Variants in SLCO3A1 observed in about 807,000 individuals in gnomAD.
The protein encoded by SLCO3A1 is PGE1 transporter.
SLCO3A1 carries 27 observed loss-of-function variants against 63.1 expected under a neutral mutation model. The ratio of observed to expected loss-of-function variants is 0.43; its 90% confidence interval spans 0.32 to 0.59. The LOEUF is 0.59. SLCO3A1 is among the 20% of genes least tolerant of loss of function. SLCO3A1 has a pLI of 0.09. For synonymous variants in SLCO3A1, 473 were observed against 409.9 expected (o/e 1.15, Z -1.86); for missense variants, 773 against 945.8 (o/e 0.82, Z 2.40).
intron 2 of SLCO3A1, among the ~76,000 whole-genome samples, chr15:91,937,923 G>A (rs1296073469): frequency 1.3e-5 from 2 of 152,118 alleles, no homozygotes; most frequent in South Asian, 2.1e-4. Flanking sequence ...AATTTTGGAG[G>A]CGGTATCTAC....
At chr15:92,150,830 TATTAGTAATTTTC>T in intron 8 of SLCO3A1, 107 bp from the exon 9 acceptor site, 1 of 609,974 alleles carries the variant, frequency 1.6e-6, no homozygotes, top group Non-Finnish European at 2.8e-6. Flanking sequence ...AAAAAGACAC[TATTAGTAATTTTC>T]TAAAGAAGAG....
At chr15:92,060,763 G>A (rs1254680649) in intron 2 of SLCO3A1, among the ~76,000 whole-genome samples, 1 of 152,124 alleles carries the variant, frequency 6.6e-6, no homozygotes, top group Non-Finnish European at 1.5e-5. Flanking sequence ...GCCTCCCAAA[G>A]TGCTAGGATT....
chr15:92,149,583 G>A (rs1460449543), intron 8 of SLCO3A1: 1 of 152,216 alleles, frequency 6.6e-6, no homozygotes, highest in Non-Finnish European at 1.5e-5. Context: ...TGTTCTCAAG[G>A]TCACCCAGCT....
intron 7 of SLCO3A1, among the ~76,000 whole-genome samples, chr15:92,129,922 A>G (rs960746763): frequency 3.3e-5 from 5 of 152,154 alleles, no homozygotes; most frequent in East Asian, 1.9e-4. Context: ...TGATAAAGCA[A>G]TTTCTTTATG....
intron 2 of SLCO3A1, among the ~76,000 whole-genome samples, chr15:92,046,190 G>C (rs1418440144): frequency 6.6e-6 from 1 of 152,084 alleles, no homozygotes; most frequent in Non-Finnish European, 1.5e-5. Flanking sequence ...ATATTGGACA[G>C]CCTACAGTGG....
intron 7 of SLCO3A1, among the ~76,000 whole-genome samples, chr15:92,139,733 A>T (rs996261420): frequency 6.6e-6 from 1 of 152,028 alleles, no homozygotes; most frequent in African/African-American, 2.4e-5. Flanking sequence ...GAATTTATCC[A>T]TTTCTTCTAG....
chr15:92,092,521 A>G (rs1351000560), intron 2 of SLCO3A1, among the ~76,000 whole-genome samples: 3 of 151,974 alleles, frequency 2.0e-5, no homozygotes, highest in Admixed American at 1.3e-4. Context: ...CTAGAGTGCC[A>G]GTAACTCTGA....
intron 7 of SLCO3A1, among the ~76,000 whole-genome samples, chr15:92,141,336 T>C (rs200162854): frequency 6.6e-6 from 1 of 152,190 alleles, no homozygotes; most frequent in African/African-American, 2.4e-5. Context: ...TTCTTACTAG[T>C]TAATTGTCTT....
At chr15:92,041,571 C>A (rs137865785) in intron 2 of SLCO3A1, among the ~76,000 whole-genome samples, 1 of 152,138 alleles carries the variant, frequency 6.6e-6, no homozygotes, top group Non-Finnish European at 1.5e-5. Context: ...TCTCTTCAAC[C>A]CGTACATTTT....
At chr15:92,077,578 G>A (rs1003435490) in intron 2 of SLCO3A1, among the ~76,000 whole-genome samples, 14 of 152,144 alleles carry the variant, frequency 9.2e-5, no homozygotes, top group African/African-American at 2.7e-4. Flanking sequence ...AGCCTTTGCC[G>A]CCATTTCCAC....
chr15:92,162,375 C>T (rs752438175), intron 9 of SLCO3A1: 11 of 179,890 alleles, frequency 6.1e-5, no homozygotes, highest in Admixed American at 1.2e-4. Flanking sequence ...GTCTCAAACT[C>T]CTGATCTCAG....
chr15:92,100,599 A>C (rs984689719), intron 3 of SLCO3A1, among the ~76,000 whole-genome samples: 11 of 152,184 alleles, frequency 7.2e-5, no homozygotes, highest in South Asian at 4.1e-4. Context: ...ACTAGAACCA[A>C]ATAGAGAAGT....
chr15:92,117,278 C>T (rs2047806364), intron 4 of SLCO3A1, among the ~76,000 whole-genome samples: 1 of 152,162 alleles, frequency 6.6e-6, no homozygotes, highest in Non-Finnish European at 1.5e-5. Flanking sequence ...AGCCAAAGAG[C>T]AAAGTTGCTA....
chr15:91,872,524 A>T lies in SLCO3A1; in HGVS notation c.180+18436A>T, dbSNP rs1284060645. Among the ~76,000 whole-genome samples the T allele has an allele frequency of 6.7e-6, 1 of 150,184 alleles. No individual in the cohort carries two copies. Among genetic ancestry groups the T allele is most frequent in the Non-Finnish European group, 1.5e-5 (1 of 67,684 alleles). On this transcript the variant is annotated intron_variant, in intron 1 of 9. Coordinates refer to ENST00000318445, the MANE Select transcript of SLCO3A1 (RefSeq NM_013272.4). The surrounding 1 kb of genome is among the most constrained non-coding windows in gnomAD (Gnocchi z 4.1). ...ACTCCAGCCAGGGCAACAAAATGAG[A>T]CTCCGTCTCAAAAAAAAAAAGAAAA...
At chr15:92,169,597 C>A (rs1031512468), downstream of SLCO3A1, among the ~76,000 whole-genome samples, 2 of 150,838 alleles carry the variant, frequency 1.3e-5, no homozygotes, top group African/African-American at 4.9e-5. Context: ...CTAGTGCATT[C>A]CGAAATGCAC....
At chr15:91,898,679 A>C (rs191769727) in intron 1 of SLCO3A1, among the ~76,000 whole-genome samples, 32 of 151,832 alleles carry the variant, frequency 2.1e-4, no homozygotes, top group Admixed American at 1.8e-3. Flanking sequence ...TTTTGGATGG[A>C]GTTGATATCA....
chr15:91,952,208 AATT>A (rs1267034525), intron 2 of SLCO3A1, among the ~76,000 whole-genome samples: 1 of 152,144 alleles, frequency 6.6e-6, no homozygotes, highest in Non-Finnish European at 1.5e-5. Flanking sequence ...GCCGTTTTTA[AATT>A]ATTAGTTTTT....
rs185850481 is a variant in SLCO3A1 at position 91,904,757 on chromosome 15, A to G, written c.181-11236A>G. Among the ~76,000 whole-genome samples, 27 of 152,268 alleles carry G rather than the reference A, an allele frequency of 1.8e-4. 1 individual carries two copies. The highest frequency in any genetic ancestry group is 7.2e-4 in the Admixed American group (11 of 15,300). On this transcript the variant is annotated intron_variant, in intron 1 of 9. Transcript: ENST00000318445. ...GCTTTTTAATGCTGCATATAGGAGG[A>G]TGCTATTTTGTTCTGACCTGTGTTT...
At chr15:91,857,836 A>G (rs1204333639) in intron 1 of SLCO3A1, among the ~76,000 whole-genome samples, 2 of 152,204 alleles carry the variant, frequency 1.3e-5, no homozygotes, top group Non-Finnish European at 1.5e-5. Flanking sequence ...ATACAAATAC[A>G]TTTGAATTTC....
Sources: gnomAD v4.1 joint callset for allele counts (sites outside exome capture counted in the v4.1 genomes callset) on GRCh38, gnomAD v4.1.1 for gene constraint, Gnocchi (gnomAD v3.1) non-coding constraint, MANE v1.5 for transcripts, NCBI Gene and HGNC (gene_info 2026-07-23, HGNC 2026-07-21) for gene names.